DPF3: variants seen among roughly 807,000 people sequenced by gnomAD.
The protein encoded by DPF3 is zinc finger protein DPF3.
In DPF3, 18 loss-of-function variants were observed where a neutral mutation model predicts 56.8. The observed-to-expected ratio is 0.32, with a 90% CI of 0.22 to 0.47. The LOEUF is 0.47. Ranked by LOEUF, DPF3 falls within the 20% of genes least tolerant of loss-of-function variation. The pLI, the probability that DPF3 is intolerant of heterozygous loss-of-function variation, is 1.00. For synonymous variants in DPF3, 188 were observed against 180.2 expected, an observed-to-expected ratio of 1.04 and a Z score of -0.35; for missense variants, 403 against 488.8, an observed-to-expected ratio of 0.82 and a Z score of 1.65.
At chr14:72,633,441 G>A (rs2153567301) in intron 8 of DPF3, among the ~76,000 whole-genome samples, 1 of 152,258 alleles carries the variant, frequency 6.6e-6, no homozygotes, top group South Asian at 2.1e-4. Context: ...TGAGCTTGGA[G>A]GAGCTCAAGT....
At position 72,741,506 on chromosome 14, in the gene DPF3, C is replaced by A. The variant is rs181464697; in HGVS notation, c.302-9572G>T. Among the ~76,000 whole-genome samples the A allele has an allele frequency of 2.9e-3, 436 of 152,306 alleles. 2 individuals are homozygous for A. Among genetic ancestry groups the A allele is most frequent in the African/African-American group, 1.0e-2 (415 of 41,572 alleles). On this transcript the variant is annotated intron_variant, in intron 3 of 10. Transcript: ENST00000556509. ...AACAGCCAAGATGGCAACACTTGGG[C>A]CCCCCAGGCCAGGCTGGGAACCACA... is the stretch of plus-strand genomic sequence containing the variant.
intron 1 of DPF3, among the ~76,000 whole-genome samples, chr14:72,818,831 T>C (rs1211708599): frequency 6.7e-6 from 1 of 149,606 alleles, no homozygotes; most frequent in Non-Finnish European, 1.5e-5. Context: ...TTAAAAGATG[T>C]TGTTAAGAGG....
At chr14:72,636,194 T>G (rs1885379118) in intron 8 of DPF3, among the ~76,000 whole-genome samples, 1 of 152,228 alleles carries the variant, frequency 6.6e-6, no homozygotes. Context: ...TGGGCATTCA[T>G]TAGAAAATAA....
At chr14:72,744,593 T>A (rs765624081) in intron 3 of DPF3, among the ~76,000 whole-genome samples, 33 of 152,210 alleles carry the variant, frequency 2.2e-4, no homozygotes, top group Middle Eastern at 6.8e-3. Flanking sequence ...TCCTCAGATC[T>A]TCTCCAACAG....
chr14:72,833,213 T>C (rs955815597), intron 1 of DPF3, among the ~76,000 whole-genome samples: 2 of 152,184 alleles, frequency 1.3e-5, no homozygotes, highest in African/African-American at 4.8e-5. Context: ...GGAAGAGCTA[T>C]TGACCACAGC....
chr14:72,852,031 G>A (rs1885004904), intron 1 of DPF3, among the ~76,000 whole-genome samples: 1 of 152,260 alleles, frequency 6.6e-6, no homozygotes, highest in African/African-American at 2.4e-5. Flanking sequence ...AGACGCAGAA[G>A]CTAAGAGGTG....
intron 1 of DPF3, among the ~76,000 whole-genome samples, chr14:72,796,132 T>A (rs913050627): frequency 6.6e-6 from 1 of 152,214 alleles, no homozygotes. Flanking sequence ...TTAGAATATA[T>A]GAGACTTGAA....
Position 72,674,228 on chromosome 14 carries a change from G to A in DPF3, c.871+12C>T. 1 of 1,610,834 alleles carries A rather than the reference G, an allele frequency of 6.2e-7. No homozygotes were observed. Among genetic ancestry groups the A allele is most frequent in the Non-Finnish European group, 8.5e-7 (1 of 1,178,568 alleles). ...TCTACGGGCACCCGGTGTGGGAAGG[G>A]GCCACACTCACCAGAGCGTCCACAG... On this transcript the variant is annotated intron_variant, in intron 8 of 10. Coordinates refer to ENST00000556509, the MANE Select transcript of DPF3 (RefSeq NM_001280542.3).
intron 1 of DPF3, among the ~76,000 whole-genome samples, chr14:72,884,171 A>T (rs960836702): frequency 6.6e-6 from 1 of 152,018 alleles, no homozygotes; most frequent in Non-Finnish European, 1.5e-5. Context: ...TGGTGGGTGA[A>T]CTCAGGTCAG....
intron 5 of DPF3, among the ~76,000 whole-genome samples, chr14:72,716,323 T>C (rs1349196548): frequency 6.6e-6 from 1 of 152,056 alleles, no homozygotes; most frequent in East Asian, 1.9e-4. Flanking sequence ...GTTTCCTCAA[T>C]TGCAAAATGG....
At chr14:72,773,553 T>C (rs1891630019) in intron 1 of DPF3, among the ~76,000 whole-genome samples, 1 of 152,234 alleles carries the variant, frequency 6.6e-6, no homozygotes, top group Non-Finnish European at 1.5e-5. Flanking sequence ...CCACCACTAC[T>C]ATCCATTCCC....
chr14:72,789,078 CT>C (rs1260535322), intron 1 of DPF3, among the ~76,000 whole-genome samples: 1 of 152,194 alleles, frequency 6.6e-6, no homozygotes, highest in African/African-American at 2.4e-5. Context: ...TCACGTGTTG[CT>C]TTGGGTTGCT....
At chr14:72,893,969 A>G in intron 1 of DPF3, 88 bp downstream of exon 1, 1 of 1,519,244 alleles carries the variant, frequency 6.6e-7, no homozygotes, top group Non-Finnish European at 9.0e-7. Flanking sequence ...TGCAAGCGCA[A>G]TGCTCTGGCA....
At chr14:72,762,666 C>T (rs1891115388) in intron 2 of DPF3, among the ~76,000 whole-genome samples, 1 of 151,862 alleles carries the variant, frequency 6.6e-6, no homozygotes, top group African/African-American at 2.4e-5. Context: ...TAAATAAATG[C>T]TTTCTCTTTA....
At chr14:72,658,503 G>A (rs1886117661) in intron 8 of DPF3, among the ~76,000 whole-genome samples, 1 of 151,936 alleles carries the variant, frequency 6.6e-6, no homozygotes, top group Admixed American at 6.5e-5. Context: ...ATAGACAACT[G>A]GTCATCAATA....
Position 72,751,156 on chromosome 14 carries a change from C to T in DPF3, c.301+2108G>A, listed in dbSNP as rs1391317262. 8.5e-5 allele frequency among the ~76,000 whole-genome samples: 13 copies of T among 152,194 alleles called. No homozygotes were observed. The East Asian group carries it at 2.3e-3, about 27-fold the overall frequency. ...TAGTGAGCTCATTGCAACTACTGCA[C>T]ACCAGACTGGGCAACAGAGCGTGAC... On this transcript the variant is annotated intron_variant, in intron 3 of 10. Coordinates refer to ENST00000556509, the MANE Select transcript of DPF3 (RefSeq NM_001280542.3).
intron 4 of DPF3, among the ~76,000 whole-genome samples, chr14:72,729,396 A>G (rs2139851621): frequency 6.6e-6 from 1 of 152,294 alleles, no homozygotes; most frequent in African/African-American, 2.4e-5. Context: ...GAACAGAAGG[A>G]GATTCTTGTG....
intron 7 of DPF3, among the ~76,000 whole-genome samples, chr14:72,692,259 C>T (rs1437731341): frequency 6.6e-6 from 1 of 152,218 alleles, no homozygotes; most frequent in Non-Finnish European, 1.5e-5. Flanking sequence ...CACGAATATT[C>T]TTCACTGAGA....
Position 72,613,051 on chromosome 14 carries a change from C to A in DPF3, c.*6246G>T, listed in dbSNP as rs185897532. Among the ~76,000 whole-genome samples, 2 of 151,706 alleles carry A rather than the reference C, an allele frequency of 1.3e-5. No homozygotes were observed. The highest frequency in any genetic ancestry group is 2.9e-5 in the Non-Finnish European group (2 of 67,920). ...GTGTGTATGTGCGTGCGTGCACGCA[C>A]GCGCATGCACATGGGCATTCCTGTT... is the stretch of plus-strand genomic sequence containing the variant. On this transcript the variant is annotated 3_prime_UTR_variant, in exon 11 of 11. Coordinates refer to ENST00000556509, the MANE Select transcript of DPF3 (RefSeq NM_001280542.3).
Sources: gnomAD v4.1 joint callset for allele counts (sites outside exome capture counted in the v4.1 genomes callset) on GRCh38, gnomAD v4.1.1 for gene constraint, MANE v1.5 for transcripts, NCBI Gene and HGNC (gene_info 2026-07-23, HGNC 2026-07-21) for gene names.